The following SF3A2 variants were observed in gnomAD, a reference collection of about 807,000 sequenced individuals.
SF3A2 encodes the protein SAP 62.
Under a neutral mutation model 31.1 loss-of-function variants are expected in SF3A2, and 5 were observed. The ratio of observed to expected loss-of-function variants is 0.16; its 90% CI spans 0.08 to 0.34. The LOEUF is 0.34. Ranked by LOEUF, SF3A2 falls within the 10% of genes least tolerant of loss-of-function variation. The pLI is 1.00. For synonymous variants in SF3A2, 365 were observed against 263.7 expected (o/e 1.38, Z -3.72); for missense variants, 577 against 643.9 (o/e 0.90, Z 1.13).
intron 1 of SF3A2, chr19:2,237,395 A>C (rs1365118167): frequency 2.2e-5 from 3 of 139,400 alleles, no homozygotes; most frequent in Non-Finnish European, 4.6e-5. Context: ...CAACATAGCG[A>C]GACCCCATCA....
Position 2,245,264 on chromosome 19 carries a change from A to G in SF3A2, c.246-182A>G. 5.3e-6 allele frequency: 3 copies of G among 566,806 alleles called. No homozygotes were observed. The East Asian group carries it at 8.6e-5, about 16-fold the overall frequency. 35.1% of individuals were successfully genotyped at this position (566,806 alleles called of 1,614,324 possible). On this transcript the variant is annotated intron_variant, in intron 4 of 8. Coordinates refer to ENST00000221494, the MANE Select transcript of SF3A2 (RefSeq NM_007165.5). The surrounding 1 kb of genome is among the most constrained non-coding windows in gnomAD (Gnocchi z 4.2). ...AGGGACAGTGAGGAGCATGACAGGA[A>G]GAGAACATGCCTGTCCTATCCCTGT...
chr19:2,248,041 C>T lies in SF3A2; in HGVS notation c.890C>T (p.Pro297Leu), dbSNP rs2024958020. The T allele has an allele frequency of 2.1e-6, 2 of 973,408 alleles. No individual in the cohort carries two copies. The highest frequency in any genetic ancestry group is 1.6e-5 in the African/African-American group (1 of 61,666). The allele number at this position is 973,408 out of a possible 1,614,324, so 60.3% of individuals were successfully genotyped here. Residue 297 changes from proline (P) to leucine (L), a missense_variant, in exon 9 of 9, where the codon CCT becomes CTT. Physicochemically the swap from Pro to Leu is moderately conservative, Grantham distance 98. Coordinates refer to ENST00000221494, the MANE Select transcript of SF3A2 (RefSeq NM_007165.5). ...CCCCCGGCCCCAGTGGTGCATCCCCCTGCATCTGGGGTCCATCCCCCAGCT... is the reference window on the plus strand; with the variant it reads ...CCCCCGGCCCCAGTGGTGCATCCCCTTGCATCTGGGGTCCATCCCCCAGCT... ...VHPPAPVVHP[P>L]ASGVHPPAPG...
chr19:2,245,400 G>C lies in SF3A2; in HGVS notation c.246-46G>C, dbSNP rs1216803775. On this transcript the variant is annotated intron_variant, in intron 4 of 8. Transcript: ENST00000221494. The surrounding 1 kb of genome is among the most constrained non-coding windows in gnomAD (Gnocchi z 4.2). The stretch of plus-strand genomic sequence containing the variant: ...TGGCACCTGGGCCCATGGCTTTGGT[G>C]CCTGTGTGTGGAGGGGTCCCAGCAG... 1 of 1,425,932 alleles carries C rather than the reference G, an allele frequency of 7.0e-7. No individual in the cohort carries two copies. Among genetic ancestry groups the C allele is most frequent in the Non-Finnish European group, 9.7e-7 (1 of 1,035,982 alleles). The allele number at this position is 1,425,932 out of a possible 1,614,324, so 88.3% of individuals were successfully genotyped here. A position where few individuals can be genotyped will look rare whatever the true frequency, so the allele number is the denominator to read the frequency against.
intron 7 of SF3A2, 111 bp from the exon 8 acceptor site, chr19:2,247,483 G>T: frequency 9.3e-7 from 1 of 1,073,388 alleles, no homozygotes. Flanking sequence ...CCTTCTCCTG[G>T]GCTCCCAGGG....
At position 2,247,889 on chromosome 19, in the gene SF3A2, G is replaced by A. The variant is rs745411792; in HGVS notation, c.738G>A (p.Pro246=). Residue 246 remains proline, a synonymous_variant, in exon 9 of 9, where the codon CCG becomes CCA. Transcript: ENST00000221494. ...PLMNGLPPRP[P]LPESLPPPPP... ...TGAACGGTCTGCCCCCTCGGCCACC[G>A]CTGCCTGAGTCTTTGCCACCGCCCC... is the stretch of plus-strand genomic sequence containing the variant. The A allele has an allele frequency of 1.9e-5, 30 of 1,565,970 alleles. No homozygotes were observed. The highest frequency in any genetic ancestry group is 1.5e-4 in the Admixed American group (9 of 58,366).
In SF3A2 at chr19:2,248,251, C is replaced by A. The variant is rs1343984827; in HGVS notation, c.1100C>A (p.Pro367His). The stretch of plus-strand genomic sequence containing the variant: ...CCACCAGCCCCAGGGGTCCATCCTC[C>A]CCCATCAGCGGGGGTTCACCCCCAG... ...VHPPAPGVHPPPSAGVHPQAP... is the reference protein window; with the variant it reads ...VHPPAPGVHPHPSAGVHPQAP... The change falls in exon 9 of 9, where the codon CCC becomes CAC. Residue 367 changes from proline (P) to histidine (H), a missense_variant. Pro to His is a moderately conservative substitution (Grantham distance 77, BLOSUM62 -2). Transcript: ENST00000221494. 3 of 1,418,730 alleles carry A rather than the reference C, an allele frequency of 2.1e-6. No individual in the cohort carries two copies. Among genetic ancestry groups the A allele is most frequent in the Non-Finnish European group, 2.8e-6 (3 of 1,083,574 alleles). The allele number at this position is 1,418,730 out of a possible 1,614,324, so 87.9% of individuals were successfully genotyped here.
chr19:2,242,207 G>A (rs1019843448), intron 1 of SF3A2, among the ~76,000 whole-genome samples: 1 of 146,678 alleles, frequency 6.8e-6, no homozygotes, highest in Non-Finnish European at 1.5e-5. Flanking sequence ...GTCCCTCAGC[G>A]TGCCCCTGCA....
chr19:2,248,285 G>A lies in SF3A2; in HGVS notation c.1134G>A (p.Gly378=). 1 of 1,400,526 alleles carries A rather than the reference G, an allele frequency of 7.1e-7. No individual in the cohort carries two copies. The highest frequency in any genetic ancestry group is 9.3e-7 in the Non-Finnish European group (1 of 1,079,868). The allele number at this position is 1,400,526 out of a possible 1,614,324, so 86.8% of individuals were successfully genotyped here. A position where few individuals can be genotyped will look rare whatever the true frequency, so the allele number is the denominator to read the frequency against. Reference sequence around the variant, plus strand: ...CGGGGGTTCACCCCCAGGCCCCGGGGGTGCACCCAGCAGCCCCCGCCGTTC... The same window carrying A: ...CGGGGGTTCACCCCCAGGCCCCGGGAGTGCACCCAGCAGCCCCCGCCGTTC... ...PSAGVHPQAP[G]VHPAAPAVHP... The change falls in exon 9 of 9, where the codon GGG becomes GGA. Residue 378 remains glycine (G), a synonymous_variant. Coordinates refer to ENST00000221494, the MANE Select transcript of SF3A2 (RefSeq NM_007165.5).
In SF3A2 at chr19:2,248,165, T is replaced by C. The variant is rs1204965911; in HGVS notation, c.1014T>C (p.Pro338=). 8 of 1,288,682 alleles carry C rather than the reference T, an allele frequency of 6.2e-6. No homozygotes were observed. The highest frequency in any genetic ancestry group is 4.3e-5 in the African/African-American group (2 of 46,192). 79.8% of individuals were successfully genotyped at this position (1,288,682 alleles called of 1,614,324 possible). ...ACCCCCCAGCTCCTGGAGTCCACCC[T>C]CCAGCCCCCGGGGTTCACCCACCAG... ...GVHPPAPGVH[P]PAPGVHPPAP... The change falls in exon 9 of 9, where the codon CCT becomes CCC. Residue 338 remains proline (P), a synonymous_variant. Coordinates refer to ENST00000221494, the MANE Select transcript of SF3A2 (RefSeq NM_007165.5).
In SF3A2 at chr19:2,247,773, C is replaced by T; in HGVS notation, c.622C>T (p.Leu208Phe). Residue 208 changes from leucine to phenylalanine, a missense_variant, in exon 9 of 9, where the codon CTC (leucine) becomes TTC (phenylalanine). Leu to Phe is a conservative substitution (Grantham distance 22). Coordinates refer to ENST00000221494, the MANE Select transcript of SF3A2 (RefSeq NM_007165.5). ...HWNRETKQFF[L>F]QFHFKMEKPP... ...CCTTTCTCCGTCTCTCTAGTTCTTCCTCCAGTTCCACTTTAAGATGGAGAA... is the reference window on the plus strand; with the variant it reads ...CCTTTCTCCGTCTCTCTAGTTCTTCTTCCAGTTCCACTTTAAGATGGAGAA... 1 of 1,611,956 alleles carries T rather than the reference C, an allele frequency of 6.2e-7. No homozygotes were observed. Among genetic ancestry groups the T allele is most frequent in the Non-Finnish European group, 8.5e-7 (1 of 1,179,508 alleles).
intron 4 of SF3A2, 110 bp downstream of exon 4, chr19:2,244,889 G>A: frequency 9.9e-7 from 1 of 1,013,640 alleles, no homozygotes; most frequent in South Asian, 1.4e-5. Context: ...CCTGGCCTGA[G>A]CCTCCCTGGG....
At position 2,245,631 on chromosome 19, in the gene SF3A2, G is replaced by A. The variant is rs1346568037; in HGVS notation, c.355+76G>A. 3 of 1,101,656 alleles carry A rather than the reference G, an allele frequency of 2.7e-6. No individual in the cohort carries two copies. In the East Asian group the frequency reaches 7.7e-5, roughly 28 times the overall value. The allele number at this position is 1,101,656 out of a possible 1,614,324, so 68.2% of individuals were successfully genotyped here. On this transcript the variant is annotated intron_variant, in intron 5 of 8. Coordinates refer to ENST00000221494, the MANE Select transcript of SF3A2 (RefSeq NM_007165.5). This position sits in a 1 kb window ranked among gnomAD's most constrained non-coding sequence, Gnocchi z 4.2. Reference sequence around the variant, plus strand: ...GTGTTCTTTAGTCTCCAGTGCGGGAGGTGCAGCCCTGATAGCCTCCTCCCT... The same window carrying A: ...GTGTTCTTTAGTCTCCAGTGCGGGAAGTGCAGCCCTGATAGCCTCCTCCCT...
rs749321087 is a variant in SF3A2 at position 2,247,996 on chromosome 19, C to A, written c.845C>A (p.Pro282Gln). Residue 282 changes from proline (P) to glutamine (Q), a missense_variant, in exon 9 of 9, where the codon CCG becomes CAG. Pro to Gln is a moderately conservative substitution (Grantham distance 76). This residue lies in a region of SF3A2 where 462 missense variants were observed against 339.1 expected (regional missense o/e 1.36). Transcript: ENST00000221494. ...CCCCCGGGACCACCCCAGCTACCCC[C>A]GCCAGCTCCAGGGGTCCACCCCCCG... ...SGPPGPPQLP[P>Q]PAPGVHPPAP... 3 of 951,878 alleles carry A rather than the reference C, an allele frequency of 3.2e-6. No individual in the cohort carries two copies. Among genetic ancestry groups the A allele is most frequent in the Non-Finnish European group, 4.9e-6 (3 of 614,182 alleles). 59.0% of individuals were successfully genotyped at this position (951,878 alleles called of 1,614,324 possible). A position where few individuals can be genotyped will look rare whatever the true frequency, so the allele number is the denominator to read the frequency against.
Position 2,248,311 on chromosome 19 carries a change from A to G in SF3A2, c.1160A>G (p.His387Arg). 1 of 1,309,484 alleles carries G rather than the reference A, an allele frequency of 7.6e-7. No homozygotes were observed. The highest frequency in any genetic ancestry group is 9.6e-7 in the Non-Finnish European group (1 of 1,037,540). 81.1% of individuals were successfully genotyped at this position (1,309,484 alleles called of 1,614,324 possible). ...PGVHPAAPAV[H>R]PQAPGVHPPA... is the part of the protein sequence containing the mutation. Reference sequence around the variant, plus strand: ...GTGCACCCAGCAGCCCCCGCCGTTCACCCTCAGGCCCCAGGGGTGCACCCA... The same window carrying G: ...GTGCACCCAGCAGCCCCCGCCGTTCGCCCTCAGGCCCCAGGGGTGCACCCA... Residue 387 changes from histidine (H) to arginine (R), a missense_variant, in exon 9 of 9, where the codon CAC becomes CGC. Physicochemically the swap from His to Arg is conservative, Grantham distance 29. This residue lies in a region of SF3A2 where 462 missense variants were observed against 339.1 expected (regional missense o/e 1.36). Coordinates refer to ENST00000221494, the MANE Select transcript of SF3A2 (RefSeq NM_007165.5).
Position 2,244,591 on chromosome 19 carries a change from C to G in SF3A2, c.174C>G (p.Leu58=), listed in dbSNP as rs769288949. ...KNHLGSYECK[L]CLTLHNNEGS... ...ACCTGGGCTCCTATGAATGCAAACTCTGCCTGACACTTCACAACAATGAGG... is the reference window on the plus strand; with the variant it reads ...ACCTGGGCTCCTATGAATGCAAACTGTGCCTGACACTTCACAACAATGAGG... Residue 58 remains leucine, a synonymous_variant, in exon 3 of 9, where the codon CTC becomes CTG. Coordinates refer to ENST00000221494, the MANE Select transcript of SF3A2 (RefSeq NM_007165.5). The G allele has an allele frequency of 1.6e-5, 26 of 1,614,160 alleles. 1 individual carries two copies. In the Middle Eastern group the frequency reaches 2.5e-3, roughly 154 times the overall value.
intron 1 of SF3A2, among the ~76,000 whole-genome samples, chr19:2,241,340 G>A (rs185850447): frequency 1.3e-5 from 2 of 152,320 alleles, no homozygotes; most frequent in East Asian, 1.9e-4. Context: ...GCTGAGATGC[G>A]TGGAGGACTG....
At chr19:2,242,512 C>T (rs1383673413) in intron 1 of SF3A2, among the ~76,000 whole-genome samples, 2 of 152,190 alleles carry the variant, frequency 1.3e-5, no homozygotes, top group Non-Finnish European at 2.9e-5. Flanking sequence ...ATCCTCAAGC[C>T]CACCTGCACA....
intron 7 of SF3A2, 70 bp from the exon 8 acceptor site, chr19:2,247,524 G>A (rs1422902468): frequency 4.6e-6 from 7 of 1,534,354 alleles, no homozygotes; most frequent in South Asian, 2.2e-5. Context: ...CTAGTGCCTC[G>A]GGCTCCCTGC....
At chr19:2,247,533 G>T in intron 7 of SF3A2, 61 bp from the exon 8 acceptor site, 1 of 1,571,536 alleles carries the variant, frequency 6.4e-7, no homozygotes, top group Non-Finnish European at 8.7e-7. Context: ...CGGGCTCCCT[G>T]CCTGATGGTC....
Sources: gnomAD v4.1 joint callset for allele counts (sites outside exome capture counted in the v4.1 genomes callset) on GRCh38, gnomAD v4.1.1 for gene constraint, gnomAD v4.1.1 regional missense constraint, Gnocchi (gnomAD v3.1) non-coding constraint, MANE v1.5 for transcripts, NCBI Gene and HGNC (gene_info 2026-07-23, HGNC 2026-07-21) for gene names.